Variants in RPS6KC1 observed in about 807,000 individuals in gnomAD.
RPS6KC1 encodes the protein ribosomal protein S6 kinase C1.
RPS6KC1 carries 54 observed loss-of-function variants against 103.8 expected under a neutral mutation model. That is an observed-to-expected ratio of 0.52 (90% CI 0.42 to 0.65). The LOEUF is 0.65. Among genes scored for constraint, RPS6KC1 ranks in the 30% least tolerant of loss-of-function variants. RPS6KC1 has a pLI of 0.00. For missense variants in RPS6KC1, 1,151 were observed against 1,253.8 expected, an observed-to-expected ratio of 0.92 and a Z score of 1.24; for synonymous variants, 439 against 438.7, an observed-to-expected ratio of 1.00 and a Z score of -0.01.
the RPS6KC1 span, among the ~76,000 whole-genome samples, chr1:213,817,326 C>T: frequency 5.1e-3 from 781 of 152,286 alleles, 3 homozygotes; most frequent in African/African-American, 0.017. Context: ...AGAAGGAAGG[C>T]GGGGGAAGGC....
the RPS6KC1 span, among the ~76,000 whole-genome samples, chr1:213,387,330 T>C: frequency 3.9e-5 from 6 of 152,386 alleles, no homozygotes; most frequent in South Asian, 1.2e-3. Context: ...TTTAAGGTTT[T>C]CATTTGCATT....
At chr1:213,164,497 A>G (rs1185717695) in intron 6 of RPS6KC1, among the ~76,000 whole-genome samples, 1 of 152,266 alleles carries the variant, frequency 6.6e-6, no homozygotes, top group African/African-American at 2.4e-5. Flanking sequence ...GACATCTCTT[A>G]TGATACACCA....
At chr1:213,150,589 G>GAGT (rs1220870109) in intron 6 of RPS6KC1, among the ~76,000 whole-genome samples, 2 of 151,338 alleles carry the variant, frequency 1.3e-5, no homozygotes, top group East Asian at 3.9e-4. Context: ...ATTCAACCCT[G>GAGT]AGTGGACACA....
intron 12 of RPS6KC1, among the ~76,000 whole-genome samples, chr1:213,254,952 G>A (rs1215485177): frequency 6.6e-6 from 1 of 151,772 alleles, no homozygotes; most frequent in East Asian, 1.9e-4. Context: ...GTGTTTTATA[G>A]GAAAAATGTT....
intron 6 of RPS6KC1, among the ~76,000 whole-genome samples, chr1:213,155,640 G>C (rs1434236546): frequency 1.3e-5 from 2 of 152,142 alleles, no homozygotes; most frequent in African/African-American, 4.8e-5. Flanking sequence ...GGGTGCAGGG[G>C]GTGACGTCAG....
chr1:213,105,889 T>C (rs2082438745), intron 4 of RPS6KC1, among the ~76,000 whole-genome samples: 1 of 152,234 alleles, frequency 6.6e-6, no homozygotes, highest in Non-Finnish European at 1.5e-5. Flanking sequence ...TATTGCTTTA[T>C]AGAAATTGTG....
chr1:213,172,501 C>T (rs2091551019), intron 7 of RPS6KC1, among the ~76,000 whole-genome samples: 1 of 152,148 alleles, frequency 6.6e-6, no homozygotes, highest in Non-Finnish European at 1.5e-5. Context: ...ACCCCAGCTA[C>T]TCAGGAGGCT....
At chr1:213,642,084 T>G in the RPS6KC1 span, among the ~76,000 whole-genome samples, 1 of 152,116 alleles carries the variant, frequency 6.6e-6, no homozygotes, top group Non-Finnish European at 1.5e-5. Flanking sequence ...CCTGACTCCT[T>G]GGGTGAAGAC....
the RPS6KC1 span, among the ~76,000 whole-genome samples, chr1:213,606,171 C>T: frequency 6.6e-6 from 1 of 152,102 alleles, no homozygotes; most frequent in East Asian, 1.9e-4. Context: ...CACAAAGACA[C>T]AAATTTCCCA....
intron 8 of RPS6KC1, chr1:213,205,191 T>A: frequency 2.1e-6 from 2 of 950,698 alleles, no homozygotes; most frequent in Non-Finnish European, 2.5e-6. Context: ...AGAAAGTTGC[T>A]ATCACAATGT....
At chr1:213,585,760 G>A in the RPS6KC1 span, among the ~76,000 whole-genome samples, 5 of 152,156 alleles carry the variant, frequency 3.3e-5, no homozygotes, top group African/African-American at 1.2e-4. Flanking sequence ...CATGGAGATG[G>A]CAGCACAATC....
the RPS6KC1 span, among the ~76,000 whole-genome samples, chr1:213,366,948 T>C: frequency 8.5e-5 from 13 of 152,386 alleles, no homozygotes; most frequent in African/African-American, 2.9e-4. Flanking sequence ...CTTCTTCATA[T>C]GACAGCTCTT....
At chr1:213,456,691 G>A in the RPS6KC1 span, among the ~76,000 whole-genome samples, 1 of 152,120 alleles carries the variant, frequency 6.6e-6, no homozygotes. Flanking sequence ...CTATTAAAAT[G>A]TTCTATAAAG....
At chr1:213,793,025 A>C in the RPS6KC1 span, among the ~76,000 whole-genome samples, 3 of 152,098 alleles carry the variant, frequency 2.0e-5, no homozygotes, top group Admixed American at 2.0e-4. Context: ...TAAAGAAACA[A>C]AGTTTTCCCC....
chr1:213,201,885 T>G (rs2093176824), intron 8 of RPS6KC1, among the ~76,000 whole-genome samples: 1 of 152,122 alleles, frequency 6.6e-6, no homozygotes, highest in Non-Finnish European at 1.5e-5. Context: ...ACAGGAGAAA[T>G]TTTGAGCTGA....
At chr1:213,075,950 A>G (rs1225185066) in intron 2 of RPS6KC1, among the ~76,000 whole-genome samples, 5 of 152,188 alleles carry the variant, frequency 3.3e-5, no homozygotes, top group Non-Finnish European at 7.3e-5. Flanking sequence ...TTTAGGTACT[A>G]CATCTACAGC....
At position 213,117,405 on chromosome 1, in the gene RPS6KC1, C is replaced by A; in HGVS notation, c.467C>A (p.Thr156Lys). 1 of 1,589,258 alleles carries A rather than the reference C, an allele frequency of 6.3e-7. No homozygotes were observed. Among genetic ancestry groups the A allele is most frequent in the Non-Finnish European group, 8.6e-7 (1 of 1,160,546 alleles). Residue 156 changes from threonine to lysine, a missense_variant, in exon 5 of 15, where the codon ACG becomes AAG. Thr to Lys is a moderately conservative substitution (Grantham distance 78). Coordinates refer to ENST00000366960, the MANE Select transcript of RPS6KC1 (RefSeq NM_012424.6). ...ATTGATACCTTTCCTGAGTGTAGTA[C>A]GGAAGGTAAGAGATTTTAATTTTTT... ...SLIDTFPECS[T>K]EGFSSDSDLV...
the RPS6KC1 span, among the ~76,000 whole-genome samples, chr1:213,357,725 T>C: frequency 6.6e-6 from 1 of 152,308 alleles, no homozygotes; most frequent in Admixed American, 6.5e-5. Context: ...GGAATTATTT[T>C]TTCAGCATTC....
chr1:213,647,489 T>G, the RPS6KC1 span, among the ~76,000 whole-genome samples: 1 of 152,216 alleles, frequency 6.6e-6, no homozygotes. Flanking sequence ...CAGAAAGTGT[T>G]GAGACCTGGG....
Sources: allele counts gnomAD v4.1 joint callset (sites outside exome capture counted in the v4.1 genomes callset), GRCh38; gene constraint gnomAD v4.1.1; transcripts MANE v1.5; gene names NCBI Gene and HGNC (gene_info 2026-07-23, HGNC 2026-07-21).